Variants in PCBD2 observed in about 807,000 individuals in gnomAD.
PCBD2 encodes pterin-4 alpha-carbinolamine dehydratase 2, also known as pterin-4-alpha-carbinolamine dehydratase 2.
In PCBD2, 12 loss-of-function variants were observed where a neutral mutation model predicts 16.4. The ratio of observed to expected loss-of-function variants is 0.73; its 90% CI spans 0.47 to 1.19. The LOEUF is 1.19. PCBD2 is among the 50% of genes most tolerant of loss of function. PCBD2 has a pLI of 0.00. For missense variants in PCBD2, 138 were observed against 156.8 expected, an observed-to-expected ratio of 0.88 and a Z score of 0.64; for synonymous variants, 58 against 61.8, an observed-to-expected ratio of 0.94 and a Z score of 0.29.
At position 134,932,296 on chromosome 5, in the gene PCBD2, G is replaced by A. The variant is rs139548264; in HGVS notation, c.216+21830G>A. On this transcript the variant is annotated intron_variant, in intron 2 of 3. Coordinates refer to ENST00000254908, the MANE Select transcript of PCBD2 (RefSeq NM_032151.5). ...GGGCTCAAGCGATCCTCCTACCTCC[G>A]CCTCCTGAGTAGCTGGGACTATAGA... Among the ~76,000 whole-genome samples, 1,117 of 151,992 alleles carry A rather than the reference G, an allele frequency of 7.3e-3. 10 individuals carry two copies. Among genetic ancestry groups the A allele is most frequent in the African/African-American group, 0.026 (1,071 of 41,454 alleles).
At chr5:134,915,554 C>T (rs1217029278) in intron 2 of PCBD2, among the ~76,000 whole-genome samples, 1 of 146,386 alleles carries the variant, frequency 6.8e-6, no homozygotes, top group Non-Finnish European at 1.5e-5. Context: ...CTCAGGCGAT[C>T]ATCCCACCTC....
At chr5:134,914,874 T>C (rs1053678322) in intron 2 of PCBD2, among the ~76,000 whole-genome samples, 5 of 152,148 alleles carry the variant, frequency 3.3e-5, no homozygotes, top group Admixed American at 2.0e-4. Context: ...GGTTTTGCCA[T>C]GTTGGCCAGG....
intron 2 of PCBD2, among the ~76,000 whole-genome samples, chr5:134,956,476 T>C (rs1323766573): frequency 1.3e-5 from 2 of 152,206 alleles, no homozygotes. Context: ...TTGATCCACT[T>C]GGCTAATGGG....
intron 2 of PCBD2, 75 bp from the exon 3 acceptor site, chr5:134,958,965 G>A (rs1751443332): frequency 1.7e-6 from 2 of 1,151,366 alleles, no homozygotes; most frequent in South Asian, 2.7e-5. Context: ...TATGTGGTTG[G>A]ATTGCTCTGT....
At chr5:134,907,553 T>C (rs1326987813) in intron 1 of PCBD2, among the ~76,000 whole-genome samples, 2 of 151,162 alleles carry the variant, frequency 1.3e-5, no homozygotes, top group African/African-American at 4.9e-5. Context: ...GAATTTTAGA[T>C]TTCTTATGAT....
rs1283918293 is a variant in PCBD2 at position 134,961,785 on chromosome 5, G to A, written c.*1104G>A. On this transcript the variant is annotated 3_prime_UTR_variant, in exon 4 of 4. Coordinates refer to ENST00000254908, the MANE Select transcript of PCBD2 (RefSeq NM_032151.5). ...TCTTTTGTTTTGTTTTGTTTGAGAC[G>A]GGGTCTCGCTCTGCTGCCCAGGCTG... Among the ~76,000 whole-genome samples the A allele has an allele frequency of 1.3e-5, 2 of 151,650 alleles. No homozygotes were observed. Among genetic ancestry groups the A allele is most frequent in the East Asian group, 3.9e-4 (2 of 5,110 alleles).
chr5:134,955,527 C>T (rs556786755), intron 2 of PCBD2, among the ~76,000 whole-genome samples: 2 of 151,958 alleles, frequency 1.3e-5, no homozygotes, highest in Non-Finnish European at 2.9e-5. Context: ...AGGATGGTCT[C>T]GATCTCTTGA....
intron 3 of PCBD2, 77 bp from the exon 4 acceptor site, chr5:134,960,509 C>A: frequency 1.0e-6 from 1 of 974,438 alleles, no homozygotes; most frequent in Non-Finnish European, 1.6e-6. Context: ...GAATAATAGA[C>A]TGATTTCTGA....
intron 2 of PCBD2, among the ~76,000 whole-genome samples, chr5:134,946,888 CA>C (rs1301715037): frequency 6.6e-6 from 1 of 152,072 alleles, no homozygotes; most frequent in African/African-American, 2.4e-5. Context: ...CCAACTTAAG[CA>C]GAAGCCCTTT....
intron 2 of PCBD2, among the ~76,000 whole-genome samples, chr5:134,942,191 TAAAAG>T (rs1277165589): frequency 7.1e-6 from 1 of 140,744 alleles, no homozygotes; most frequent in Non-Finnish European, 1.5e-5. Flanking sequence ...TACTTTTAAG[TAAAAG>T]AAAAAAAAAA....
chr5:134,937,299 TA>T (rs1409766165), intron 2 of PCBD2, among the ~76,000 whole-genome samples: 8 of 152,202 alleles, frequency 5.3e-5, no homozygotes, highest in Admixed American at 3.9e-4. Context: ...TACATGAAAA[TA>T]TTTTTTTCAT....
At chr5:134,948,811 G>T (rs1039519911) in intron 2 of PCBD2, among the ~76,000 whole-genome samples, 2 of 151,838 alleles carry the variant, frequency 1.3e-5, no homozygotes, top group Non-Finnish European at 2.9e-5. Context: ...TATCTCACAG[G>T]TGTTGACCTG....
At chr5:134,937,011 T>C (rs919247346) in intron 2 of PCBD2, among the ~76,000 whole-genome samples, 1 of 152,218 alleles carries the variant, frequency 6.6e-6, no homozygotes, top group African/African-American at 2.4e-5. Context: ...ACTAAATAGG[T>C]ATAAACTACT....
intron 2 of PCBD2, among the ~76,000 whole-genome samples, chr5:134,942,475 T>C (rs1477018942): frequency 1.3e-5 from 2 of 152,142 alleles, no homozygotes; most frequent in African/African-American, 4.8e-5. Flanking sequence ...CTCTTCTTCA[T>C]CCTAGAACTG....
At chr5:134,919,377 G>T (rs929976171) in intron 2 of PCBD2, among the ~76,000 whole-genome samples, 1 of 151,962 alleles carries the variant, frequency 6.6e-6, no homozygotes, top group Admixed American at 6.6e-5. Flanking sequence ...AAATGTTGTG[G>T]GTTTAAATCT....
At chr5:134,933,978 G>GT (rs750788077) in intron 2 of PCBD2, among the ~76,000 whole-genome samples, 11 of 152,154 alleles carry the variant, frequency 7.2e-5, no homozygotes, top group African/African-American at 2.4e-4. Flanking sequence ...CTTTTAGAGA[G>GT]TTTTTTCGGA....
At chr5:134,916,600 A>G (rs1750836062) in intron 2 of PCBD2, among the ~76,000 whole-genome samples, 2 of 152,272 alleles carry the variant, frequency 1.3e-5, no homozygotes, top group African/African-American at 4.8e-5. Context: ...TACTATAAGA[A>G]TAAATAGCCC....
Position 134,910,454 on chromosome 5 carries a change from C to G in PCBD2, c.204C>G (p.His68Gln), listed in dbSNP as rs959624320. Residue 68 changes from histidine to glutamine, a missense_variant, in exon 2 of 4, where the codon CAC (histidine) becomes CAG (glutamine). His to Gln is a conservative substitution (Grantham distance 24, BLOSUM62 0). Transcript: ENST00000254908. ...RDAIYKEFSF[H>Q]NFNQAFGFMS... The stretch of plus-strand genomic sequence containing the variant: ...CCATCTACAAAGAATTCTCCTTCCA[C>G]AATTTTAATCAGGTAATTGTTATAA... 1 of 1,614,116 alleles carries G rather than the reference C, an allele frequency of 6.2e-7. No individual in the cohort carries two copies. The highest frequency in any genetic ancestry group is 8.5e-7 in the Non-Finnish European group (1 of 1,179,962).
At chr5:134,957,468 G>A (rs371025473) in intron 2 of PCBD2, among the ~76,000 whole-genome samples, 14 of 152,236 alleles carry the variant, frequency 9.2e-5, no homozygotes, top group East Asian at 1.9e-4. Context: ...CTCCTTATAC[G>A]TAGTTTAATG....
Sources: gnomAD v4.1 joint callset for allele counts (sites outside exome capture counted in the v4.1 genomes callset) on GRCh38, gnomAD v4.1.1 for gene constraint, MANE v1.5 for transcripts, NCBI Gene and HGNC (gene_info 2026-07-23, HGNC 2026-07-21) for gene names.